Variants in SKAP1 observed in about 807,000 individuals in gnomAD.
SKAP1 encodes the protein src kinase-associated phosphoprotein 1.
In SKAP1, 44 loss-of-function variants were observed where a neutral mutation model predicts 58.5. That is an observed-to-expected ratio of 0.75 (90% confidence interval 0.59 to 0.97). The LOEUF (loss-of-function observed/expected upper bound fraction) is 0.97. Among genes scored for constraint, SKAP1 ranks in the 50% least tolerant of loss-of-function variants. SKAP1 has a pLI of 0.00. For missense variants in SKAP1, 390 were observed against 435.2 expected, an observed-to-expected ratio of 0.90 and a Z score of 0.92; for synonymous variants, 127 against 149.7, an observed-to-expected ratio of 0.85 and a Z score of 1.11.
chr17:48,159,322 A>G (rs889340713), intron 11 of SKAP1, among the ~76,000 whole-genome samples: 1 of 152,222 alleles, frequency 6.6e-6, no homozygotes, highest in African/African-American at 2.4e-5. Context: ...CTTAGATGCT[A>G]TCCAACTCCA....
chr17:48,175,421 T>C (rs942364324), intron 9 of SKAP1, among the ~76,000 whole-genome samples: 4 of 152,204 alleles, frequency 2.6e-5, no homozygotes, highest in African/African-American at 4.8e-5. Context: ...TGCACAGATA[T>C]GTTATAAATC....
chr17:48,162,225 C>T (rs1298957178), intron 11 of SKAP1, among the ~76,000 whole-genome samples: 1 of 152,208 alleles, frequency 6.6e-6, no homozygotes, highest in Non-Finnish European at 1.5e-5. Context: ...CTCGGCCTCC[C>T]AAAGTGCTAG....
chr17:48,394,631 G>A (rs1005634761), intron 2 of SKAP1, among the ~76,000 whole-genome samples: 2 of 152,192 alleles, frequency 1.3e-5, no homozygotes, highest in Admixed American at 1.3e-4. Flanking sequence ...GTAAGCCACT[G>A]CGTTTAGCCT....
At chr17:48,264,745 A>AACACACACACACACACACACACACAC (rs55733017) in intron 4 of SKAP1, among the ~76,000 whole-genome samples, 3 of 142,752 alleles carry the variant, frequency 2.1e-5, no homozygotes, top group Non-Finnish European at 4.6e-5. Context: ...AAATCTACAA[A>AACACACACACACACACACACACACAC]ACACACACAC....
At chr17:48,222,371 A>G (rs896317654) in intron 4 of SKAP1, among the ~76,000 whole-genome samples, 1 of 152,148 alleles carries the variant, frequency 6.6e-6, no homozygotes, top group Non-Finnish European at 1.5e-5. Flanking sequence ...AACTGTATTC[A>G]AGAGATATTG....
chr17:48,206,297 T>G (rs1275560644), intron 4 of SKAP1, among the ~76,000 whole-genome samples: 1 of 152,102 alleles, frequency 6.6e-6, no homozygotes, highest in Non-Finnish European at 1.5e-5. Context: ...GGTAAAGAGA[T>G]GCATAGGGTG....
intron 4 of SKAP1, among the ~76,000 whole-genome samples, chr17:48,200,616 G>A (rs1171811385): frequency 6.6e-6 from 1 of 152,098 alleles, no homozygotes; most frequent in Non-Finnish European, 1.5e-5. Context: ...GACCTCTGGT[G>A]ATCCAGCCAC....
intron 2 of SKAP1, among the ~76,000 whole-genome samples, chr17:48,373,304 C>A (rs1567888497): frequency 6.6e-6 from 1 of 152,028 alleles, no homozygotes; most frequent in South Asian, 2.1e-4. Flanking sequence ...TTGTGAGAAC[C>A]CACTCACTAT....
At chr17:48,417,744 CAAAA>C (rs57181313) in intron 1 of SKAP1, among the ~76,000 whole-genome samples, 6 of 114,480 alleles carry the variant, frequency 5.2e-5, no homozygotes, top group African/African-American at 9.1e-5. Context: ...GACTTCGTCT[CAAAA>C]AAAAAAAAAA....
At chr17:48,441,686 A>T in the SKAP1 span, among the ~76,000 whole-genome samples, 1 of 152,178 alleles carries the variant, frequency 6.6e-6, no homozygotes, top group Non-Finnish European at 1.5e-5. Context: ...CAGGGGTTTC[A>T]TTGGCTGGTG....
At chr17:48,231,674 G>C (rs1287721230) in intron 4 of SKAP1, among the ~76,000 whole-genome samples, 1 of 152,112 alleles carries the variant, frequency 6.6e-6, no homozygotes, top group Non-Finnish European at 1.5e-5. Context: ...TAATGACAGT[G>C]GGGGTTAAGT....
chr17:48,163,596 G>A (rs2064098546), intron 10 of SKAP1, among the ~76,000 whole-genome samples: 1 of 152,156 alleles, frequency 6.6e-6, no homozygotes, highest in African/African-American at 2.4e-5. Context: ...ATAGATGGGA[G>A]TCAGGAGTCC....
intron 3 of SKAP1, 85 bp from the exon 4 acceptor site, chr17:48,346,091 G>T: frequency 1.4e-6 from 1 of 719,838 alleles, no homozygotes; most frequent in South Asian, 2.2e-5. Context: ...ATCTATGTAT[G>T]ATCTCTTCCA....
intron 8 of SKAP1, among the ~76,000 whole-genome samples, chr17:48,181,376 G>A (rs1173526753): frequency 2.6e-5 from 4 of 152,040 alleles, no homozygotes; most frequent in Admixed American, 6.6e-5. Flanking sequence ...TATATTACAC[G>A]CATAAATCCA....
chr17:48,331,471 G>A (rs2066506065), intron 4 of SKAP1, among the ~76,000 whole-genome samples: 1 of 151,886 alleles, frequency 6.6e-6, no homozygotes, highest in African/African-American at 2.4e-5. Context: ...AGGCCAAGGT[G>A]GGCGGATCAC....
At chr17:48,406,375 A>C (rs1427305238) in intron 1 of SKAP1, among the ~76,000 whole-genome samples, 5 of 151,998 alleles carry the variant, frequency 3.3e-5, no homozygotes, top group Non-Finnish European at 7.4e-5. Context: ...AAAATCAATA[A>C]TTTCTTAAAA....
chr17:48,347,657 A>G (rs2144335529), intron 3 of SKAP1, among the ~76,000 whole-genome samples: 1 of 152,344 alleles, frequency 6.6e-6, no homozygotes. Context: ...GCCAGAAGAA[A>G]TACTCTCTTT....
chr17:48,354,316 A>C (rs1227490347), intron 3 of SKAP1, among the ~76,000 whole-genome samples: 1 of 152,220 alleles, frequency 6.6e-6, no homozygotes, highest in Non-Finnish European at 1.5e-5. Context: ...TCAAGAATTC[A>C]GTTCAATATT....
chr17:48,385,365 T>A (rs577021751), intron 2 of SKAP1, among the ~76,000 whole-genome samples: 5 of 151,976 alleles, frequency 3.3e-5, no homozygotes, highest in South Asian at 4.2e-4. Flanking sequence ...AAAGAGGGAA[T>A]CACTGTGTAG....
Sources: allele counts gnomAD v4.1 joint callset (sites outside exome capture counted in the v4.1 genomes callset), GRCh38; gene constraint gnomAD v4.1.1; transcripts MANE v1.5; gene names NCBI Gene and HGNC (gene_info 2026-07-23, HGNC 2026-07-21).